The following PDE4D variants were observed in gnomAD, a reference collection of about 807,000 sequenced individuals.
The protein encoded by PDE4D is phosphodiesterase 4D.
PDE4D carries 24 observed loss-of-function variants against 87.4 expected under a neutral mutation model. The observed-to-expected ratio is 0.27, with a 90% CI of 0.20 to 0.39. The LOEUF (loss-of-function observed/expected upper bound fraction) is 0.39, where lower values mean the gene tolerates loss of function less well. PDE4D is among the 10% of genes least tolerant of loss of function. PDE4D has a pLI of 1.00. For missense variants in PDE4D, 714 were observed against 1,041.0 expected (o/e 0.69, Z 4.32); for synonymous variants, 384 against 383.2 (o/e 1.00, Z -0.02).
At chr5:59,849,212 G>A (rs1489527868) in intron 1 of PDE4D, among the ~76,000 whole-genome samples, 1 of 151,488 alleles carries the variant, frequency 6.6e-6, no homozygotes, top group Non-Finnish European at 1.5e-5. Flanking sequence ...TAGTCATCTG[G>A]AAAACTAAAA....
At chr5:59,188,971 G>T (rs13154277) in intron 3 of PDE4D, among the ~76,000 whole-genome samples, 1 of 152,070 alleles carries the variant, frequency 6.6e-6, no homozygotes, top group African/African-American at 2.4e-5. Flanking sequence ...GAAACGAGGT[G>T]ACTATCTTCT....
At position 59,044,086 on chromosome 5, in the gene PDE4D, G is replaced by A. The variant is rs370643296; in HGVS notation, c.809-5115C>T. Among the ~76,000 whole-genome samples the A allele has an allele frequency of 1.9e-4, 29 of 152,292 alleles. No individual in the cohort carries two copies. In the South Asian group the frequency reaches 5.8e-3, roughly 30 times the overall value. On this transcript the variant is annotated intron_variant, in intron 5 of 14. Transcript: ENST00000340635. ...GTATATACCCAGTAATGGGATGGCT[G>A]GGTCAAATGGTATTTCTAGTTCTAG...
intron 1 of PDE4D, among the ~76,000 whole-genome samples, chr5:59,569,558 C>A (rs1279763056): frequency 6.6e-6 from 1 of 152,150 alleles, no homozygotes; most frequent in Non-Finnish European, 1.5e-5. Flanking sequence ...CCTTACTTCG[C>A]CACCTGGACC....
intron 1 of PDE4D, among the ~76,000 whole-genome samples, chr5:59,808,621 A>T (rs1352366821): frequency 6.6e-6 from 1 of 152,118 alleles, no homozygotes; most frequent in African/African-American, 2.4e-5. Flanking sequence ...TGTTAAAAGC[A>T]TGGGGAACAG....
rs896730175 is a variant in PDE4D at position 59,344,625 on chromosome 5, T to C, written c.456-128657A>G. Among the ~76,000 whole-genome samples the C allele has an allele frequency of 3.9e-5, 6 of 152,172 alleles. No homozygotes were observed. The East Asian group carries it at 9.7e-4, about 25-fold the overall frequency. On this transcript the variant is annotated intron_variant, in intron 1 of 14. Transcript: ENST00000340635. ...TGTAGCACAGGCTGGTGTCAAACTC[T>C]TGGACTCAGGCGATCCTCCCACCTC...
In PDE4D at chr5:59,222,408, C is replaced by T. The variant is rs571870113; in HGVS notation, c.456-6440G>A. ...ACTGTGCTGAGTAAATAGCTTTCCT[C>T]ATCTATCCTAGCCATCAGGACCTTA... On this transcript the variant is annotated intron_variant, in intron 1 of 14. Transcript: ENST00000340635. 2.6e-5 allele frequency among the ~76,000 whole-genome samples: 4 copies of T among 152,308 alleles called. No individual in the cohort carries two copies. In the South Asian group the frequency reaches 8.3e-4, roughly 32 times the overall value.
chr5:59,073,510 G>C (rs551236819), intron 5 of PDE4D, among the ~76,000 whole-genome samples: 2 of 140,282 alleles, frequency 1.4e-5, no homozygotes, highest in East Asian at 2.1e-4. Context: ...TGGGGGGCGG[G>C]GGGGGCGGGT....
chr5:59,870,841 TG>T (rs1430517430), intron 1 of PDE4D, among the ~76,000 whole-genome samples: 3 of 152,128 alleles, frequency 2.0e-5, no homozygotes, highest in African/African-American at 7.2e-5. Context: ...AACCTAACAA[TG>T]GGAAGACAGG....
At chr5:59,357,726 AT>A (rs1436724018) in intron 1 of PDE4D, among the ~76,000 whole-genome samples, 1 of 152,240 alleles carries the variant, frequency 6.6e-6, no homozygotes, top group Non-Finnish European at 1.5e-5. Context: ...CATATATTTT[AT>A]GAGTCCAGGA....
intron 1 of PDE4D, among the ~76,000 whole-genome samples, chr5:59,637,234 G>T (rs948558719): frequency 2.6e-5 from 4 of 152,118 alleles, no homozygotes; most frequent in African/African-American, 9.7e-5. Flanking sequence ...TCATTAAAAA[G>T]TCAGGAAAAA....
At chr5:59,940,889 C>T (rs1336765929) in intron 3 of PDE4D, among the ~76,000 whole-genome samples, 1 of 151,564 alleles carries the variant, frequency 6.6e-6, no homozygotes, top group Non-Finnish European at 1.5e-5. Context: ...TCCTCTCCAT[C>T]TCTCTATTAA....
At chr5:60,204,099 A>G (rs1448899874) in intron 1 of PDE4D, among the ~76,000 whole-genome samples, 1 of 152,172 alleles carries the variant, frequency 6.6e-6, no homozygotes, top group Non-Finnish European at 1.5e-5. Context: ...AAAGCACCAC[A>G]TTGTTTAAGG....
intron 6 of PDE4D, among the ~76,000 whole-genome samples, chr5:59,013,156 AG>A (rs1753191102): frequency 1.3e-5 from 2 of 152,242 alleles, no homozygotes; most frequent in Non-Finnish European, 2.9e-5. Flanking sequence ...AGCAGTGTGT[AG>A]AGGGAAATTT....
At chr5:59,208,745 A>G (rs1047861451) in intron 2 of PDE4D, among the ~76,000 whole-genome samples, 1 of 152,256 alleles carries the variant, frequency 6.6e-6, no homozygotes, top group African/African-American at 2.4e-5. Flanking sequence ...TTTACAATTC[A>G]TGAAACTCCC....
rs983684796 is a variant in PDE4D at position 58,977,473 on chromosome 5, A to G, written c.1553-128T>C. The G allele has an allele frequency of 1.0e-5, 8 of 763,398 alleles. No homozygotes were observed. The African/African-American group carries it at 1.4e-4, about 13-fold the overall frequency. The allele number at this position is 763,398 out of a possible 1,614,324, so 47.3% of individuals were successfully genotyped here. Reference sequence around the variant, plus strand: ...CTGCTGCCCTTATCATTACCTGACAATATCCAGGAGAGAATAAATCAGATA... The same window carrying G: ...CTGCTGCCCTTATCATTACCTGACAGTATCCAGGAGAGAATAAATCAGATA... On this transcript the variant is annotated intron_variant, in intron 11 of 14. Transcript: ENST00000340635.
intron 1 of PDE4D, among the ~76,000 whole-genome samples, chr5:59,740,224 C>T (rs1758640285): frequency 1.3e-5 from 2 of 152,126 alleles, no homozygotes; most frequent in African/African-American, 2.4e-5. Flanking sequence ...ACAGTCTGGA[C>T]TTTCTAAGTA....
At chr5:59,972,224 C>T (rs1317179488) in intron 3 of PDE4D, among the ~76,000 whole-genome samples, 2 of 152,198 alleles carry the variant, frequency 1.3e-5, no homozygotes, top group Admixed American at 1.3e-4. Context: ...CATATTCCTA[C>T]TCCCCTAGTG....
At chr5:60,510,745 A>T (rs1416188274) in intron 1 of PDE4D, among the ~76,000 whole-genome samples, 1 of 152,192 alleles carries the variant, frequency 6.6e-6, no homozygotes, top group African/African-American at 2.4e-5. Flanking sequence ...TTTTAGAAAG[A>T]TAATTTCTGG....
intron 5 of PDE4D, among the ~76,000 whole-genome samples, chr5:59,152,898 C>T (rs1306006251): frequency 2.0e-5 from 3 of 151,838 alleles, no homozygotes; most frequent in Non-Finnish European, 2.9e-5. Flanking sequence ...CAAAATTAGC[C>T]CAAAACATAA....
Sources: gnomAD v4.1 joint callset for allele counts (sites outside exome capture counted in the v4.1 genomes callset) on GRCh38, gnomAD v4.1.1 for gene constraint, MANE v1.5 for transcripts, NCBI Gene and HGNC (gene_info 2026-07-23, HGNC 2026-07-21) for gene names.